Variants in SUPT3H observed in about 807,000 individuals in gnomAD.
SUPT3H encodes transcription initiation protein SPT3 homolog.
Under a neutral mutation model 44.3 loss-of-function variants are expected in SUPT3H, and 44 were observed. The observed-to-expected ratio is 0.99, with a 90% CI of 0.78 to 1.28. The LOEUF is 1.28. Ranked by LOEUF, SUPT3H falls within the 50% of genes most tolerant of loss-of-function variation. The pLI is 0.00. For missense variants in SUPT3H, 380 were observed against 387.1 expected, an observed-to-expected ratio of 0.98 and a Z score of 0.15; for synonymous variants, 124 against 125.6, an observed-to-expected ratio of 0.99 and a Z score of 0.09.
At chr6:45,281,408 C>A (rs994015821) in intron 2 of SUPT3H, among the ~76,000 whole-genome samples, 3 of 152,174 alleles carry the variant, frequency 2.0e-5, no homozygotes, top group Non-Finnish European at 4.4e-5. Flanking sequence ...CTGCGCTTTT[C>A]CAATGGTCTT....
At chr6:45,091,924 A>G (rs1047997828) in intron 3 of SUPT3H, among the ~76,000 whole-genome samples, 1 of 151,916 alleles carries the variant, frequency 6.6e-6, no homozygotes, top group Non-Finnish European at 1.5e-5. Context: ...TTATATGGTT[A>G]CAAATATCAA....
At chr6:44,976,456 G>T (rs1488383436) in intron 6 of SUPT3H, among the ~76,000 whole-genome samples, 4 of 151,862 alleles carry the variant, frequency 2.6e-5, no homozygotes, top group Non-Finnish European at 5.9e-5. Context: ...CTGCCTCCAG[G>T]GCTCGAGAGA....
At chr6:45,087,368 G>A (rs748408234) in intron 3 of SUPT3H, among the ~76,000 whole-genome samples, 5 of 151,702 alleles carry the variant, frequency 3.3e-5, no homozygotes, top group Admixed American at 1.3e-4. Flanking sequence ...AAGGGCACAC[G>A]AACTTAGGAA....
At chr6:45,335,757 C>T (rs544979689) in intron 2 of SUPT3H, among the ~76,000 whole-genome samples, 1 of 151,124 alleles carries the variant, frequency 6.6e-6, no homozygotes, top group Non-Finnish European at 1.5e-5. Flanking sequence ...TGAGAAAACT[C>T]CCATCAAGAC....
At chr6:44,941,652 C>G (rs1431735755) in intron 9 of SUPT3H, among the ~76,000 whole-genome samples, 3 of 152,098 alleles carry the variant, frequency 2.0e-5, no homozygotes, top group African/African-American at 7.2e-5. Context: ...TAAGAATGGT[C>G]TATTCTAAAT....
chr6:44,920,292 C>T (rs762111757), intron 10 of SUPT3H, among the ~76,000 whole-genome samples: 3 of 151,578 alleles, frequency 2.0e-5, no homozygotes, highest in Non-Finnish European at 2.9e-5. Flanking sequence ...AAATTTCCCA[C>T]TGGGTGTGGT....
At chr6:44,892,204 T>C (rs1277863957) in intron 10 of SUPT3H, among the ~76,000 whole-genome samples, 1 of 152,092 alleles carries the variant, frequency 6.6e-6, no homozygotes, top group Admixed American at 6.5e-5. Flanking sequence ...GTGACTATAT[T>C]TGGAGACAGA....
chr6:45,250,653 A>T (rs1772204447), intron 2 of SUPT3H, among the ~76,000 whole-genome samples: 1 of 152,144 alleles, frequency 6.6e-6, no homozygotes, highest in South Asian at 2.1e-4. Flanking sequence ...ATTCAAAAAA[A>T]TTTCCAAGAA....
intron 6 of SUPT3H, among the ~76,000 whole-genome samples, chr6:44,987,861 T>C (rs1461066001): frequency 1.3e-5 from 2 of 152,020 alleles, no homozygotes; most frequent in Admixed American, 6.6e-5. Flanking sequence ...GGAATGAAGC[T>C]GGAAAAGGGA....
At chr6:45,284,919 G>C (rs1006945659) in intron 2 of SUPT3H, among the ~76,000 whole-genome samples, 14 of 152,202 alleles carry the variant, frequency 9.2e-5, no homozygotes, top group Non-Finnish European at 1.6e-4. Flanking sequence ...TCATCCCTGG[G>C]ATGGAAGGCT....
At chr6:44,933,476 G>T (rs868092771) in intron 9 of SUPT3H, among the ~76,000 whole-genome samples, 1 of 152,028 alleles carries the variant, frequency 6.6e-6, no homozygotes, top group Non-Finnish European at 1.5e-5. Flanking sequence ...ATAGGGCTAG[G>T]GTTTAGCCCT....
Position 45,065,641 on chromosome 6 carries a change from C to T in SUPT3H, c.186+40281G>A, listed in dbSNP as rs1455204288. Among the ~76,000 whole-genome samples the T allele has an allele frequency of 1.3e-3, 195 of 150,858 alleles. 1 individual carries two copies. The highest frequency in any genetic ancestry group is 4.6e-3 in the African/African-American group (186 of 40,846). Reference sequence around the variant, plus strand: ...GATAAAGGGGATATCACCACCGATCCCACAGAAATACAAACTACCATCAGA... The same window carrying T: ...GATAAAGGGGATATCACCACCGATCTCACAGAAATACAAACTACCATCAGA... On this transcript the variant is annotated intron_variant, in intron 3 of 10. Transcript: ENST00000371459.
At chr6:45,269,381 C>T (rs1049565768) in intron 2 of SUPT3H, among the ~76,000 whole-genome samples, 3 of 152,138 alleles carry the variant, frequency 2.0e-5, no homozygotes, top group South Asian at 2.1e-4. Context: ...TTTTAGAAAA[C>T]GCTAAAGAAA....
chr6:44,837,494 A>AC (rs1300093122), intron 10 of SUPT3H, among the ~76,000 whole-genome samples: 1 of 152,162 alleles, frequency 6.6e-6, no homozygotes, highest in Non-Finnish European at 1.5e-5. Context: ...TAGACCACAC[A>AC]CTTACCATTT....
At chr6:45,038,335 T>C (rs900642144) in intron 3 of SUPT3H, among the ~76,000 whole-genome samples, 1 of 152,184 alleles carries the variant, frequency 6.6e-6, no homozygotes, top group African/African-American at 2.4e-5. Flanking sequence ...TAGGTTTTAC[T>C]AGCATTAAAA....
intron 2 of SUPT3H, among the ~76,000 whole-genome samples, chr6:45,352,731 G>T (rs947928417): frequency 6.6e-6 from 1 of 151,424 alleles, no homozygotes; most frequent in East Asian, 2.0e-4. Flanking sequence ...CTTTAAAATA[G>T]AACCATTTGA....
intron 6 of SUPT3H, among the ~76,000 whole-genome samples, chr6:44,992,841 G>C (rs1780776236): frequency 6.6e-6 from 1 of 152,074 alleles, no homozygotes; most frequent in African/African-American, 2.4e-5. Context: ...AACTGTAAGA[G>C]ATTATATATC....
chr6:45,323,070 T>C (rs1562952988), intron 2 of SUPT3H: 1 of 689,430 alleles, frequency 1.5e-6, no homozygotes, highest in East Asian at 3.0e-5. Flanking sequence ...TGACAATTAC[T>C]GTGCCGGTTG....
intron 10 of SUPT3H, among the ~76,000 whole-genome samples, chr6:44,849,569 T>G (rs1305157184): frequency 4.6e-5 from 7 of 152,172 alleles, no homozygotes; most frequent in African/African-American, 4.8e-5. Flanking sequence ...CCTATAATCA[T>G]GAGGATCTGG....
Sources: gnomAD v4.1 joint callset for allele counts (sites outside exome capture counted in the v4.1 genomes callset) on GRCh38, gnomAD v4.1.1 for gene constraint, MANE v1.5 for transcripts, NCBI Gene and HGNC (gene_info 2026-07-23, HGNC 2026-07-21) for gene names.